Variants in AMPH observed in about 807,000 individuals in gnomAD.
The protein encoded by AMPH is amphiphysin (Stiff-Mann syndrome with breast cancer 128kD autoantigen).
In AMPH, 49 loss-of-function variants were observed where a neutral mutation model predicts 99.1. The observed-to-expected ratio is 0.49, with a 90% confidence interval of 0.39 to 0.63. The LOEUF (loss-of-function observed/expected upper bound fraction) is 0.63, where lower values mean the gene tolerates loss of function less well. AMPH is among the 20% of genes least tolerant of loss of function. The pLI, the probability that AMPH is intolerant of heterozygous loss-of-function variation, is 0.00. For missense variants in AMPH, 759 were observed against 863.4 expected (o/e 0.88, Z 1.52); for synonymous variants, 314 against 317.3 (o/e 0.99, Z 0.11).
chr7:38,459,835 G>GA (rs1787373255), intron 11 of AMPH, among the ~76,000 whole-genome samples: 1 of 151,538 alleles, frequency 6.6e-6, no homozygotes, highest in African/African-American at 2.4e-5. Context: ...AATAATAATA[G>GA]AAAAAATGAG....
chr7:38,628,399 G>A lies in AMPH; in HGVS notation c.69+2884C>T, dbSNP rs117464747. ...TTGGATGCAATAAGTCTTCTTCTAG[G>A]AATTTATCTAAGGAGATAATTAAAG... On this transcript the variant is annotated intron_variant, in intron 1 of 20. Transcript: ENST00000356264. Among the ~76,000 whole-genome samples, 776 of 152,260 alleles carry A rather than the reference G, an allele frequency of 5.1e-3. 2 individuals are homozygous for A. The highest frequency in any genetic ancestry group is 0.014 in the Middle Eastern group (4 of 294).
intron 5 of AMPH, among the ~76,000 whole-genome samples, chr7:38,488,589 C>T (rs922719353): frequency 3.9e-5 from 6 of 151,978 alleles, no homozygotes; most frequent in East Asian, 3.9e-4. Flanking sequence ...TTGATGGGTG[C>T]GGCAAACCAC....
chr7:38,524,203 G>GACACTCTACAAATAAAC (rs1283066877), intron 2 of AMPH, among the ~76,000 whole-genome samples: 3 of 152,110 alleles, frequency 2.0e-5, no homozygotes, highest in Non-Finnish European at 2.9e-5. Flanking sequence ...CAGAGTGAGG[G>GACACTCTACAAATAAAC]ACACTCTACA....
At chr7:38,624,269 T>A (rs555898571) in intron 1 of AMPH, among the ~76,000 whole-genome samples, 71 of 152,016 alleles carry the variant, frequency 4.7e-4, no homozygotes, top group African/African-American at 1.7e-3. Context: ...GAAAAAAAAA[T>A]TGCACCTAAG....
At chr7:38,440,398 C>T (rs1240253443) in intron 11 of AMPH, among the ~76,000 whole-genome samples, 1 of 152,092 alleles carries the variant, frequency 6.6e-6, no homozygotes, top group African/African-American at 2.4e-5. Flanking sequence ...CCCTCATATA[C>T]ACACTACAAC....
chr7:38,624,437 C>T (rs1794175367), intron 1 of AMPH, among the ~76,000 whole-genome samples: 1 of 151,688 alleles, frequency 6.6e-6, no homozygotes, highest in Non-Finnish European at 1.5e-5. Flanking sequence ...CTCTGTCGCC[C>T]AGGCTGCAGT....
chr7:38,450,619 T>C (rs777297962), intron 11 of AMPH, among the ~76,000 whole-genome samples: 8 of 152,280 alleles, frequency 5.3e-5, no homozygotes, highest in Middle Eastern at 3.4e-3. Flanking sequence ...ACAAAGGTGT[T>C]GTGAGCATGA....
intron 1 of AMPH, among the ~76,000 whole-genome samples, chr7:38,614,996 A>G (rs1793827137): frequency 6.6e-6 from 1 of 152,170 alleles, no homozygotes; most frequent in South Asian, 2.1e-4. Context: ...AAAGGCATAA[A>G]ACCTTTTCAG....
At chr7:38,574,463 G>A (rs1231349021) in intron 1 of AMPH, among the ~76,000 whole-genome samples, 3 of 152,160 alleles carry the variant, frequency 2.0e-5, no homozygotes, top group Non-Finnish European at 4.4e-5. Flanking sequence ...CCAAACTATT[G>A]CTCCCTCATT....
chr7:38,598,364 A>T (rs1396351094), intron 1 of AMPH, among the ~76,000 whole-genome samples: 1 of 152,130 alleles, frequency 6.6e-6, no homozygotes, highest in Non-Finnish European at 1.5e-5. Flanking sequence ...GCGCAGTGGC[A>T]TGATCTCAGC....
intron 11 of AMPH, among the ~76,000 whole-genome samples, chr7:38,444,943 A>C (rs1229224951): frequency 6.6e-6 from 1 of 151,026 alleles, no homozygotes; most frequent in Non-Finnish European, 1.5e-5. Context: ...GGTAAGCTAA[A>C]AGATCAATGG....
intron 1 of AMPH, among the ~76,000 whole-genome samples, chr7:38,605,698 C>T (rs149796949): frequency 0.037 from 5,623 of 152,188 alleles, 171 homozygotes; most frequent in Admixed American, 0.079. Flanking sequence ...GCCTCAGCCT[C>T]CCGAGTAGCT....
intron 1 of AMPH, among the ~76,000 whole-genome samples, chr7:38,585,140 A>G (rs1792599231): frequency 6.6e-6 from 1 of 152,176 alleles, no homozygotes; most frequent in African/African-American, 2.4e-5. Context: ...GTGCCAGTTA[A>G]GTAAGAAGTA....
At chr7:38,574,821 C>T (rs770671418) in intron 1 of AMPH, among the ~76,000 whole-genome samples, 10 of 151,818 alleles carry the variant, frequency 6.6e-5, no homozygotes, top group Non-Finnish European at 7.4e-5. Context: ...TTTGGGAGGC[C>T]GGGGCGGGCA....
intron 1 of AMPH, among the ~76,000 whole-genome samples, chr7:38,549,725 A>G (rs1584234334): frequency 6.6e-6 from 1 of 152,312 alleles, no homozygotes; most frequent in East Asian, 1.9e-4. Flanking sequence ...TATTAGAAAA[A>G]TCGGTGTAGA....
At chr7:38,570,983 T>TTATATATATA (rs1791940251) in intron 1 of AMPH, among the ~76,000 whole-genome samples, 5 of 8,164 alleles carry the variant, frequency 6.1e-4, no homozygotes, top group Non-Finnish European at 1.6e-3. Context: ...ATATATATAT[T>TTATATATATA]CAATATATAT....
chr7:38,616,867 G>T (rs117176683), intron 1 of AMPH, among the ~76,000 whole-genome samples: 5,620 of 152,230 alleles, frequency 0.037, 173 homozygotes, highest in Admixed American at 0.079. Flanking sequence ...GGTATTAGCT[G>T]GGAAGAGGCA....
At chr7:38,565,359 A>G (rs1305532258) in intron 1 of AMPH, among the ~76,000 whole-genome samples, 1 of 152,130 alleles carries the variant, frequency 6.6e-6, no homozygotes, top group Non-Finnish European at 1.5e-5. Flanking sequence ...AAACACAAAC[A>G]TGTACTTTCT....
At chr7:38,470,618 C>T (rs1395711571) in intron 7 of AMPH, among the ~76,000 whole-genome samples, 2 of 152,100 alleles carry the variant, frequency 1.3e-5, no homozygotes, top group African/African-American at 4.8e-5. Context: ...CTCAAAGGTT[C>T]TGCTTTGATC....
Sources: gnomAD v4.1 joint callset for allele counts (sites outside exome capture counted in the v4.1 genomes callset) on GRCh38, gnomAD v4.1.1 for gene constraint, MANE v1.5 for transcripts, NCBI Gene and HGNC (gene_info 2026-07-23, HGNC 2026-07-21) for gene names.